The following NHERF4 variants were observed in gnomAD, a reference collection of about 807,000 sequenced individuals.
NHERF4 encodes the protein NHERF family PDZ scaffold protein 4, also known as Na(+)/H(+) exchange regulatory cofactor NHE-RF4.
chr11:119,190,091 G>A, the NHERF4 span: 2 of 537,910 alleles, frequency 3.7e-6, no homozygotes, highest in Non-Finnish European at 3.2e-6. The surrounding 1 kb of genome is among the most constrained non-coding windows in gnomAD (Gnocchi z 4.2). Flanking sequence ...ATCAATCACT[G>A]AATCTCAGGG....
the NHERF4 span, chr11:119,189,565 A>G: frequency 6.5e-7 from 1 of 1,534,826 alleles, no homozygotes; most frequent in African/African-American, 1.4e-5. The surrounding 1 kb of genome is among the most constrained non-coding windows in gnomAD (Gnocchi z 5.8). Context: ...TGGTGAAGGC[A>G]GGATGCTCTC....
At chr11:119,186,597 C>T in the NHERF4 span, 3 of 1,614,084 alleles carry the variant, frequency 1.9e-6, 1 homozygote, top group Non-Finnish European at 2.5e-6. This position sits in a 1 kb window ranked among gnomAD's most constrained non-coding sequence, Gnocchi z 4.4. Flanking sequence ...GCAGGGTGGA[C>T]CCAGGCACCT....
the NHERF4 span, chr11:119,188,895 C>G: frequency 5.0e-6 from 8 of 1,610,898 alleles, no homozygotes; most frequent in Non-Finnish European, 6.8e-6. Flanking sequence ...GATCTTGAAT[C>G]CCTTCGATCC....
At chr11:119,187,534 C>T in the NHERF4 span, 1 of 1,608,546 alleles carries the variant, frequency 6.2e-7, no homozygotes, top group Non-Finnish European at 8.5e-7. Context: ...AGGAAACAGA[C>T]TGGACCTTGC....
the NHERF4 span, chr11:119,189,305 G>C: frequency 6.1e-6 from 9 of 1,487,402 alleles, no homozygotes; most frequent in South Asian, 3.5e-5. The surrounding 1 kb of genome is among the most constrained non-coding windows in gnomAD (Gnocchi z 5.8). Flanking sequence ...GAAGCCGTGT[G>C]GGGTATGCAG....
At chr11:119,185,868 C>G in the NHERF4 span, 2 of 1,610,822 alleles carry the variant, frequency 1.2e-6, no homozygotes, top group Non-Finnish European at 1.7e-6. Flanking sequence ...ATGGAAGAGG[C>G]ACATCTGGGG....
At chr11:119,189,082 TGGG>T in the NHERF4 span, 1 of 1,614,000 alleles carries the variant, frequency 6.2e-7, no homozygotes, top group African/African-American at 1.3e-5. The surrounding 1 kb of genome is among the most constrained non-coding windows in gnomAD (Gnocchi z 5.8). Flanking sequence ...GGTATCCTGT[TGGG>T]GGACAGAATG....
chr11:119,187,292 G>C, the NHERF4 span: 1 of 1,607,844 alleles, frequency 6.2e-7, no homozygotes, highest in Non-Finnish European at 8.5e-7. Context: ...ATCCGGGCCA[G>C]CAGCCCTCGG....
At chr11:119,186,190 C>A in the NHERF4 span, 1 of 1,614,162 alleles carries the variant, frequency 6.2e-7, no homozygotes, top group Non-Finnish European at 8.5e-7. This position sits in a 1 kb window ranked among gnomAD's most constrained non-coding sequence, Gnocchi z 4.4. Flanking sequence ...CCCTGGCAAC[C>A]ATTCCCTATC....
the NHERF4 span, chr11:119,188,867 G>A: frequency 6.2e-7 from 1 of 1,613,780 alleles, no homozygotes; most frequent in Non-Finnish European, 8.5e-7. Flanking sequence ...TCATCTCCCA[G>A]GTGACTGATG....
chr11:119,188,645 C>T, the NHERF4 span: 1 of 1,614,118 alleles, frequency 6.2e-7, no homozygotes, highest in Non-Finnish European at 8.5e-7. Context: ...TCCAGGTTCG[C>T]CTGTCCCCAC....
the NHERF4 span, chr11:119,187,339 G>C: frequency 7.4e-6 from 12 of 1,613,478 alleles, no homozygotes; most frequent in African/African-American, 1.3e-5. Flanking sequence ...TGCACATGAC[G>C]TGGCCCGAGC....
the NHERF4 span, chr11:119,185,982 A>T: frequency 6.2e-7 from 1 of 1,614,022 alleles, no homozygotes; most frequent in Non-Finnish European, 8.5e-7. Context: ...GGGCAAGGGG[A>T]GGAAATAATT....
At chr11:119,189,542 C>A in the NHERF4 span, 1 of 1,595,508 alleles carries the variant, frequency 6.3e-7, no homozygotes, top group South Asian at 1.1e-5. The surrounding 1 kb of genome is among the most constrained non-coding windows in gnomAD (Gnocchi z 5.8). Flanking sequence ...TGTCTTCACT[C>A]TCCAGCCTGA....
At chr11:119,189,486 A>G in the NHERF4 span, 1 of 1,614,060 alleles carries the variant, frequency 6.2e-7, no homozygotes, top group Non-Finnish European at 8.5e-7. This position sits in a 1 kb window ranked among gnomAD's most constrained non-coding sequence, Gnocchi z 5.8. Context: ...CCTCGGATCT[A>G]CTGTAGAGCA....
chr11:119,186,319 G>A, the NHERF4 span: 2 of 1,574,360 alleles, frequency 1.3e-6, no homozygotes, highest in South Asian at 2.2e-5. The surrounding 1 kb of genome is among the most constrained non-coding windows in gnomAD (Gnocchi z 4.4). Context: ...GTTTTCTCCT[G>A]TCCCAGTCCC....
the NHERF4 span, chr11:119,189,180 C>A: frequency 1.9e-6 from 3 of 1,611,510 alleles, no homozygotes; most frequent in Non-Finnish European, 2.5e-6. This position sits in a 1 kb window ranked among gnomAD's most constrained non-coding sequence, Gnocchi z 5.8. Flanking sequence ...GGCTTGGAAG[C>A]CTGGATTCCC....
chr11:119,189,428 C>A, the NHERF4 span: 1 of 1,613,028 alleles, frequency 6.2e-7, no homozygotes, highest in Non-Finnish European at 8.5e-7. This position sits in a 1 kb window ranked among gnomAD's most constrained non-coding sequence, Gnocchi z 5.8. Flanking sequence ...CTGGGTCCCA[C>A]CTGGAATGAC....
At chr11:119,187,333 C>A in the NHERF4 span, 4 of 1,613,364 alleles carry the variant, frequency 2.5e-6, no homozygotes, top group Non-Finnish European at 3.4e-6. Context: ...ACGGCATGCA[C>A]ATGACGTGGC....
Sources: gnomAD v4.1 joint callset for allele counts on GRCh38, gnomAD v4.1.1 for gene constraint, Gnocchi (gnomAD v3.1) non-coding constraint, MANE v1.5 for transcripts, NCBI Gene and HGNC (gene_info 2026-07-23, HGNC 2026-07-21) for gene names.